NME7: variants seen among roughly 807,000 people sequenced by gnomAD.
NME7 encodes NME/NM23 family member 7, also known as nucleoside diphosphate kinase 7.
Under a neutral mutation model 49.1 loss-of-function variants are expected in NME7, and 41 were observed. The observed-to-expected ratio is 0.83, with a 90% CI of 0.65 to 1.08. The LOEUF (loss-of-function observed/expected upper bound fraction) is 1.08. NME7 is among the 50% of genes least tolerant of loss of function. The pLI is 0.00. For synonymous variants in NME7, 139 were observed against 150.6 expected, an observed-to-expected ratio of 0.92 and a Z score of 0.56; for missense variants, 423 against 463.4, an observed-to-expected ratio of 0.91 and a Z score of 0.80.
intron 11 of NME7, among the ~76,000 whole-genome samples, chr1:169,142,838 T>G (rs143089296): frequency 0.011 from 1,604 of 152,314 alleles, 18 homozygotes; most frequent in Middle Eastern, 0.024. Flanking sequence ...CATGGCATCC[T>G]GGAGCCGGCA....
intron 3 of NME7, among the ~76,000 whole-genome samples, chr1:169,313,042 T>C (rs188468831): frequency 3.9e-5 from 6 of 152,268 alleles, no homozygotes; most frequent in African/African-American, 1.4e-4. Flanking sequence ...GAGGCACCTG[T>C]AATTTGGTGG....
chr1:169,288,720 C>T (rs545950057), intron 6 of NME7, among the ~76,000 whole-genome samples: 1 of 152,058 alleles, frequency 6.6e-6, no homozygotes, highest in Non-Finnish European at 1.5e-5. Context: ...TCCTAAGATA[C>T]CAACTGCCTT....
chr1:169,148,734 G>T (rs1298588070), intron 11 of NME7, among the ~76,000 whole-genome samples: 11 of 152,198 alleles, frequency 7.2e-5, no homozygotes, highest in African/African-American at 2.7e-4. Flanking sequence ...TTTCTCCTCA[G>T]TCTTCCAGAG....
intron 1 of NME7, among the ~76,000 whole-genome samples, chr1:169,361,838 T>G (rs1653669788): frequency 6.6e-6 from 1 of 151,400 alleles, no homozygotes; most frequent in Admixed American, 6.6e-5. Flanking sequence ...AGGAGAAACG[T>G]CATAAAGTTG....
intron 6 of NME7, among the ~76,000 whole-genome samples, chr1:169,293,287 G>A (rs1397428275): frequency 7.1e-6 from 1 of 140,248 alleles, no homozygotes; most frequent in Non-Finnish European, 1.5e-5. Flanking sequence ...GCAGCAGAGT[G>A]AGACTCTTGT....
At chr1:169,313,627 C>T (rs1651498090) in intron 3 of NME7, among the ~76,000 whole-genome samples, 2 of 152,038 alleles carry the variant, frequency 1.3e-5, no homozygotes. Flanking sequence ...ATATGCAATA[C>T]ACCCACACAT....
chr1:169,339,770 G>A (rs1270646617), intron 1 of NME7, among the ~76,000 whole-genome samples: 1 of 152,164 alleles, frequency 6.6e-6, no homozygotes, highest in Non-Finnish European at 1.5e-5. Flanking sequence ...CTTCATCAAA[G>A]GACCCCCTTG....
intron 7 of NME7, among the ~76,000 whole-genome samples, chr1:169,251,256 GC>G (rs1466693696): frequency 3.3e-5 from 5 of 151,902 alleles, no homozygotes; most frequent in African/African-American, 1.2e-4. Flanking sequence ...TACTGTTGTT[GC>G]TTTAAAATCT....
rs951615583 is a variant in NME7 at position 169,258,764 on chromosome 1, T to C, written c.755-21077A>G. Among the ~76,000 whole-genome samples the C allele has an allele frequency of 3.0e-5, 4 of 133,540 alleles. 1 individual carries two copies. Among genetic ancestry groups the C allele is most frequent in the African/African-American group, 1.0e-4 (4 of 39,442 alleles). The allele number at this position is 133,540 out of a possible 152,430, so 87.6% of individuals were successfully genotyped here. ...TATGGGCCTCCATTTTCTTCTGTTA[T>C]TCCCCAGCATGGTTCTATAGATAGG... On this transcript the variant is annotated intron_variant, in intron 7 of 11. Transcript: ENST00000367811.
chr1:169,310,454 T>C (rs1413955486), intron 3 of NME7, among the ~76,000 whole-genome samples: 1 of 152,200 alleles, frequency 6.6e-6, no homozygotes, highest in Non-Finnish European at 1.5e-5. Context: ...AGCTTGGTTT[T>C]TGGTCTCTTA....
intron 10 of NME7, among the ~76,000 whole-genome samples, chr1:169,182,171 AT>A (rs1272614629): frequency 9.2e-6 from 1 of 108,480 alleles, no homozygotes; most frequent in South Asian, 2.8e-4. Context: ...CAACTAGCTA[AT>A]TTAAAAAAAA....
intron 9 of NME7, among the ~76,000 whole-genome samples, chr1:169,233,723 T>C (rs1647738853): frequency 6.6e-6 from 1 of 152,172 alleles, no homozygotes; most frequent in African/African-American, 2.4e-5. Context: ...AGGTCATATG[T>C]AATTGATTTT....
intron 11 of NME7, among the ~76,000 whole-genome samples, chr1:169,140,553 A>G (rs1385684175): frequency 6.6e-6 from 1 of 152,204 alleles, no homozygotes; most frequent in Non-Finnish European, 1.5e-5. Context: ...CTAGTAGCCC[A>G]GGATGGGCTC....
chr1:169,291,248 T>C (rs1485485181), intron 6 of NME7, among the ~76,000 whole-genome samples: 2 of 152,138 alleles, frequency 1.3e-5, no homozygotes, highest in Admixed American at 6.5e-5. Flanking sequence ...TAGCAAAGAC[T>C]TGGAACCAAC....
intron 10 of NME7, among the ~76,000 whole-genome samples, chr1:169,213,140 G>C (rs1167058847): frequency 1.3e-5 from 2 of 152,150 alleles, no homozygotes; most frequent in Non-Finnish European, 2.9e-5. Context: ...TGCTGGCCAT[G>C]AGTTCAATGT....
rs1649659361 is a variant in NME7 at position 169,275,280 on chromosome 1, G to A, written c.754+12023C>T. 2.3e-5 allele frequency among the ~76,000 whole-genome samples: 3 copies of A among 129,138 alleles called. 1 individual carries two copies. The highest frequency in any genetic ancestry group is 7.8e-5 in the African/African-American group (3 of 38,470). 84.7% of individuals were successfully genotyped at this position (129,138 alleles called of 152,430 possible). Reference sequence around the variant, plus strand: ...TTGGCTCTCTGTTTGTCTGTTATTGGTGTATAAGAACACGGTGAAACCCCG... The same window carrying A: ...TTGGCTCTCTGTTTGTCTGTTATTGATGTATAAGAACACGGTGAAACCCCG... On this transcript the variant is annotated intron_variant, in intron 7 of 11. Transcript: ENST00000367811.
chr1:169,238,536 A>G (rs965026138), intron 7 of NME7, among the ~76,000 whole-genome samples: 2 of 150,034 alleles, frequency 1.3e-5, no homozygotes, highest in Non-Finnish European at 3.0e-5. Context: ...GATCATCTGG[A>G]TCTTACCGAG....
chr1:169,173,012 T>A (rs1011619583), intron 10 of NME7, among the ~76,000 whole-genome samples: 1 of 152,236 alleles, frequency 6.6e-6, no homozygotes. Flanking sequence ...ATTTGTTGAC[T>A]GATATAAAAT....
chr1:169,202,283 T>TA (rs1390380704), intron 10 of NME7, among the ~76,000 whole-genome samples: 1 of 144,532 alleles, frequency 6.9e-6, no homozygotes, highest in Non-Finnish European at 1.5e-5. Flanking sequence ...CCTTTGGTGA[T>TA]AAGTGAGCTC....
Sources: gnomAD v4.1 joint callset for allele counts (sites outside exome capture counted in the v4.1 genomes callset) on GRCh38, gnomAD v4.1.1 for gene constraint, MANE v1.5 for transcripts, NCBI Gene and HGNC (gene_info 2026-07-23, HGNC 2026-07-21) for gene names.